UPP2: variants seen among roughly 807,000 people sequenced by gnomAD.
UPP2 encodes the protein uridine phosphorylase 2.
Under a neutral mutation model 26.7 loss-of-function variants are expected in UPP2, and 23 were observed. The ratio of observed to expected loss-of-function variants is 0.86; its 90% CI spans 0.62 to 1.22. The LOEUF is 1.22. Among genes scored for constraint, UPP2 ranks in the 50% most tolerant of loss-of-function variants. UPP2 has a pLI of 0.00. For synonymous variants in UPP2, 127 were observed against 141.3 expected (o/e 0.90, Z 0.72); for missense variants, 387 against 396.7 (o/e 0.98, Z 0.21).
At position 158,123,569 on chromosome 2, in the gene UPP2, G is replaced by A. The variant is rs563246847; in HGVS notation, c.665-180G>A. Among the ~76,000 whole-genome samples, 4 of 152,284 alleles carry A rather than the reference G, an allele frequency of 2.6e-5. No individual in the cohort carries two copies. In the South Asian group the frequency reaches 8.3e-4, roughly 32 times the overall value. On this transcript the variant is annotated intron_variant, in intron 5 of 6. Coordinates refer to ENST00000005756, the MANE Select transcript of UPP2 (RefSeq NM_173355.4). ...CTACGTATGAGACTCCTCAGCTAGG[G>A]ACAGCATCGCTCCACAGTCCTCTGG...
chr2:158,054,610 G>T (rs559702792), intron 3 of UPP2, among the ~76,000 whole-genome samples: 2 of 152,234 alleles, frequency 1.3e-5, no homozygotes, highest in East Asian at 3.9e-4. Context: ...TGACTTTTGA[G>T]AATCTGGTGT....
intron 2 of UPP2, among the ~76,000 whole-genome samples, chr2:157,999,899 C>T (rs888030722): frequency 4.6e-5 from 7 of 151,840 alleles, no homozygotes; most frequent in Admixed American, 3.3e-4. Flanking sequence ...ACACTAAAAA[C>T]ATCAAAAGAG....
chr2:158,077,451 A>G (rs1682648203), intron 3 of UPP2, among the ~76,000 whole-genome samples: 1 of 152,180 alleles, frequency 6.6e-6, no homozygotes, highest in South Asian at 2.1e-4. Flanking sequence ...AGACACATAG[A>G]CCAATGGAAC....
intron 3 of UPP2, among the ~76,000 whole-genome samples, chr2:158,061,153 C>G (rs925105236): frequency 1.3e-5 from 2 of 152,212 alleles, no homozygotes; most frequent in South Asian, 2.1e-4. Flanking sequence ...AGTCAGATTT[C>G]TTTCAGATGA....
At chr2:158,043,037 C>G (rs1684102784) in intron 3 of UPP2, among the ~76,000 whole-genome samples, 1 of 152,220 alleles carries the variant, frequency 6.6e-6, no homozygotes. Context: ...ATGCTTGTAG[C>G]TTTTCATTTA....
intron 3 of UPP2, among the ~76,000 whole-genome samples, chr2:158,080,638 T>C (rs932952979): frequency 6.6e-6 from 1 of 152,220 alleles, no homozygotes; most frequent in African/African-American, 2.4e-5. Context: ...ATAGTTATCT[T>C]TCCCAGCTAG....
At position 158,018,926 on chromosome 2, in the gene UPP2, T is replaced by C. The variant is rs1683702490; in HGVS notation, c.147+3040T>C. 1.3e-5 allele frequency among the ~76,000 whole-genome samples: 2 copies of C among 152,064 alleles called. 1 individual carries two copies. The highest frequency in any genetic ancestry group is 4.1e-4 in the South Asian group (2 of 4,822). ...ACAAATCCACTTTGTTTGTATTGGGTAATTTATTGAGGGAACTTATAGACA... is the reference window on the plus strand; with the variant it reads ...ACAAATCCACTTTGTTTGTATTGGGCAATTTATTGAGGGAACTTATAGACA... On this transcript the variant is annotated intron_variant, in intron 3 of 9. Coordinates refer to the UPP2 transcript ENST00000605860.
chr2:158,082,367 T>C (rs1342345976), intron 3 of UPP2, among the ~76,000 whole-genome samples: 1 of 152,172 alleles, frequency 6.6e-6, no homozygotes, highest in East Asian at 1.9e-4. Context: ...TCCCACTCTT[T>C]CCCTAAGTCC....
intron 4 of UPP2, among the ~76,000 whole-genome samples, chr2:158,118,310 T>C (rs1283065206): frequency 2.6e-5 from 4 of 151,834 alleles, no homozygotes; most frequent in Non-Finnish European, 5.9e-5. Flanking sequence ...CATAAAAATG[T>C]CCCAGTTTTA....
chr2:158,053,059 G>A (rs965902564), intron 3 of UPP2, among the ~76,000 whole-genome samples: 2 of 152,130 alleles, frequency 1.3e-5, no homozygotes, highest in Non-Finnish European at 2.9e-5. Context: ...GAAAGGAGGT[G>A]CCCCTGGAAC....
At chr2:158,116,878 G>T (rs2105223453) in intron 3 of UPP2, among the ~76,000 whole-genome samples, 1 of 152,196 alleles carries the variant, frequency 6.6e-6, no homozygotes, top group African/African-American at 2.4e-5. Flanking sequence ...TTGAAAGTCA[G>T]GGCATATGCA....
chr2:158,134,848 A>C lies in UPP2; in HGVS notation c.912A>C (p.Leu304=). ...AGTACCAGCAACGGCCTCAGCTCCT[A>C]ATCTCCAACTTCATCAGACGGCGGC... ...LVEYQQRPQL[L]ISNFIRRRLG... is the part of the protein sequence containing the mutation. The change falls in exon 7 of 7, where the codon CTA becomes CTC. Residue 304 remains leucine (L), a synonymous_variant. Coordinates refer to ENST00000005756, the MANE Select transcript of UPP2 (RefSeq NM_173355.4). 6.2e-7 allele frequency: 1 copy of C among 1,613,678 alleles called. No homozygotes were observed. The highest frequency in any genetic ancestry group is 1.1e-5 in the South Asian group (1 of 91,038).
At chr2:158,120,959 G>A (rs929963043) in intron 4 of UPP2, among the ~76,000 whole-genome samples, 3 of 152,106 alleles carry the variant, frequency 2.0e-5, no homozygotes, top group Admixed American at 6.5e-5. Context: ...ACATGAAGTC[G>A]GCGAGAGAAC....
At chr2:158,057,772 A>C (rs1682271475) in intron 3 of UPP2, among the ~76,000 whole-genome samples, 1 of 149,434 alleles carries the variant, frequency 6.7e-6, no homozygotes, top group Non-Finnish European at 1.5e-5. Flanking sequence ...TTGTTGTTCC[A>C]GGATGCTGTA....
intron 3 of UPP2, among the ~76,000 whole-genome samples, chr2:158,064,214 A>G (rs1682398620): frequency 6.6e-6 from 1 of 152,236 alleles, no homozygotes; most frequent in Non-Finnish European, 1.5e-5. Context: ...TCCCACCAAC[A>G]GTGTAAAAGT....
upstream of UPP2, among the ~76,000 whole-genome samples, chr2:158,099,860 T>G (rs1683046107): frequency 6.6e-6 from 1 of 152,166 alleles, no homozygotes; most frequent in Non-Finnish European, 1.5e-5. Flanking sequence ...GAGCATGGAT[T>G]TGGCAGATCT....
intron 2 of UPP2, among the ~76,000 whole-genome samples, chr2:158,009,138 A>T (rs150440692): frequency 3.2e-3 from 491 of 152,256 alleles, no homozygotes; most frequent in African/African-American, 9.3e-3. Flanking sequence ...TTAATTTTGG[A>T]TTTAATTACT....
intron 3 of UPP2, among the ~76,000 whole-genome samples, chr2:158,037,776 T>A (rs1171073156): frequency 6.9e-6 from 1 of 144,752 alleles, no homozygotes; most frequent in African/African-American, 2.6e-5. Flanking sequence ...TAATTACATC[T>A]GCAACGACCC....
chr2:158,088,461 T>C (rs1012472694), intron 3 of UPP2, among the ~76,000 whole-genome samples: 3 of 152,214 alleles, frequency 2.0e-5, no homozygotes, highest in African/African-American at 7.2e-5. Flanking sequence ...AATAGTTGAC[T>C]TTCTGAATTC....
Sources: gnomAD v4.1 joint callset for allele counts (sites outside exome capture counted in the v4.1 genomes callset) on GRCh38, gnomAD v4.1.1 for gene constraint, MANE v1.5 for transcripts, NCBI Gene and HGNC (gene_info 2026-07-23, HGNC 2026-07-21) for gene names.